DMRT1: variants seen among roughly 807,000 people sequenced by gnomAD.
The protein encoded by DMRT1 is doublesex and mab-3 related transcription factor 1.
DMRT1 carries 7 observed loss-of-function variants against 32.3 expected under a neutral mutation model. That is an observed-to-expected ratio of 0.22 (90% CI 0.12 to 0.41). The LOEUF (loss-of-function observed/expected upper bound fraction) is 0.41. Among genes scored for constraint, DMRT1 ranks in the 10% least tolerant of loss-of-function variants. The pLI, the probability that DMRT1 is intolerant of heterozygous loss-of-function variation, is 1.00. For missense variants in DMRT1, 625 were observed against 500.5 expected, an observed-to-expected ratio of 1.25 and a Z score of -2.37; for synonymous variants, 278 against 206.1, an observed-to-expected ratio of 1.35 and a Z score of -2.99.
At chr9:926,221 AC>A (rs1402565820) in intron 4 of DMRT1, among the ~76,000 whole-genome samples, 1 of 152,180 alleles carries the variant, frequency 6.6e-6, no homozygotes, top group Non-Finnish European at 1.5e-5. Flanking sequence ...ACTTTAAGAT[AC>A]CTTTATGAGC....
intron 2 of DMRT1, among the ~76,000 whole-genome samples, chr9:892,760 G>A (rs1212608834): frequency 6.6e-6 from 1 of 152,088 alleles, no homozygotes; most frequent in Non-Finnish European, 1.5e-5. Context: ...CAGGAGAGCT[G>A]GACTGAGGCC....
chr9:863,319 TAAAA>T (rs34511298), intron 2 of DMRT1, among the ~76,000 whole-genome samples: 31 of 135,118 alleles, frequency 2.3e-4, no homozygotes, highest in Non-Finnish European at 2.7e-4. Flanking sequence ...CCACGTCTCT[TAAAA>T]AAAAAAAAAA....
chr9:846,350 C>A (rs16924783), intron 1 of DMRT1, among the ~76,000 whole-genome samples: 13,976 of 152,108 alleles, frequency 0.092, 867 homozygotes, highest in East Asian at 0.17. Context: ...ATTTGTTAAA[C>A]AGTAAGTAAT....
intron 2 of DMRT1, among the ~76,000 whole-genome samples, chr9:872,531 A>G (rs1231252501): frequency 2.0e-5 from 3 of 152,146 alleles, no homozygotes; most frequent in Admixed American, 6.5e-5. Flanking sequence ...TTCTATCTGT[A>G]TAGGTTTGCC....
intron 2 of DMRT1, among the ~76,000 whole-genome samples, chr9:876,546 A>G (rs989854066): frequency 6.9e-6 from 1 of 145,914 alleles, no homozygotes; most frequent in African/African-American, 2.6e-5. Context: ...TTTTTAATCT[A>G]TTGAGACAGA....
chr9:929,571 AG>A (rs913623405), intron 4 of DMRT1, among the ~76,000 whole-genome samples: 1 of 152,138 alleles, frequency 6.6e-6, no homozygotes, highest in African/African-American at 2.4e-5. Flanking sequence ...ACATAGGTCC[AG>A]AAAGGTCAAA....
rs1838927059 is a variant in DMRT1 at position 846,863 on chromosome 9, C to G, written c.355-97C>G. On this transcript the variant is annotated intron_variant, in intron 1 of 4. Coordinates refer to ENST00000382276, the MANE Select transcript of DMRT1 (RefSeq NM_021951.3). ...AGATTTTCAGACCTCACCTCCAGAGCTAGTGAATCATGGTGTCTGGGATGG... is the reference window on the plus strand; with the variant it reads ...AGATTTTCAGACCTCACCTCCAGAGGTAGTGAATCATGGTGTCTGGGATGG... The G allele has an allele frequency of 2.8e-6, 4 of 1,423,694 alleles. 1 individual carries two copies. The South Asian group carries it at 4.6e-5, about 16-fold the overall frequency. 88.2% of individuals were successfully genotyped at this position (1,423,694 alleles called of 1,614,324 possible). A position where few individuals can be genotyped will look rare whatever the true frequency, so the allele number is the denominator to read the frequency against.
intron 2 of DMRT1, among the ~76,000 whole-genome samples, chr9:864,644 G>A (rs879268795): frequency 2.6e-5 from 4 of 151,774 alleles, no homozygotes; most frequent in Non-Finnish European, 4.4e-5. Flanking sequence ...GACTACAGGC[G>A]CCCGCCACCA....
intron 3 of DMRT1, among the ~76,000 whole-genome samples, chr9:898,092 G>C (rs1448390758): frequency 6.6e-6 from 1 of 152,040 alleles, no homozygotes; most frequent in East Asian, 1.9e-4. Flanking sequence ...TTTTTAACCA[G>C]AGTCGTTTTT....
At position 881,281 on chromosome 9, in the gene DMRT1, G is replaced by A. The variant is rs143362089; in HGVS notation, c.539-12631G>A. On this transcript the variant is annotated intron_variant, in intron 2 of 4. Coordinates refer to ENST00000382276, the MANE Select transcript of DMRT1 (RefSeq NM_021951.3). ...GACAAATGCCTGATTGAAAATTGGC[G>A]ATAATAAATTGAACTAGGTATAATC... 3.6e-3 allele frequency among the ~76,000 whole-genome samples: 547 copies of A among 152,294 alleles called. 4 individuals are homozygous for A. The highest frequency in any genetic ancestry group is 0.013 in the African/African-American group (536 of 41,558).
chr9:951,335 C>T (rs1436720945), intron 4 of DMRT1, among the ~76,000 whole-genome samples: 2 of 152,170 alleles, frequency 1.3e-5, no homozygotes, highest in Non-Finnish European at 2.9e-5. Flanking sequence ...CTTTGAAAGG[C>T]TAAGCCTCTG....
At chr9:879,628 T>C (rs922291775) in intron 2 of DMRT1, among the ~76,000 whole-genome samples, 13 of 152,220 alleles carry the variant, frequency 8.5e-5, no homozygotes, top group African/African-American at 3.1e-4. Flanking sequence ...AAGTGGTAAT[T>C]GCTTAAAGAT....
At chr9:954,015 G>C (rs1819515208) in intron 4 of DMRT1, among the ~76,000 whole-genome samples, 1 of 152,100 alleles carries the variant, frequency 6.6e-6, no homozygotes, top group African/African-American at 2.4e-5. Flanking sequence ...AGAGGAGGTT[G>C]GCATTTGAGT....
At chr9:888,224 C>T (rs150594357) in intron 2 of DMRT1, among the ~76,000 whole-genome samples, 233 of 152,124 alleles carry the variant, frequency 1.5e-3, no homozygotes, top group African/African-American at 4.8e-3. Flanking sequence ...GGCAGCGATA[C>T]ACACACAGTA....
chr9:923,491 G>A (rs996190055), intron 4 of DMRT1, among the ~76,000 whole-genome samples: 2 of 152,208 alleles, frequency 1.3e-5, no homozygotes, highest in Admixed American at 6.5e-5. Context: ...AGGATGAAAT[G>A]GTGTCTGATG....
chr9:851,947 G>GTT (rs34497760), intron 2 of DMRT1, among the ~76,000 whole-genome samples: 2 of 138,118 alleles, frequency 1.4e-5, no homozygotes, highest in East Asian at 2.1e-4. Context: ...CTTTTTTTTT[G>GTT]TTTTTTTTTT....
At chr9:906,661 A>G (rs1247637475) in intron 3 of DMRT1, among the ~76,000 whole-genome samples, 2 of 152,180 alleles carry the variant, frequency 1.3e-5, no homozygotes, top group African/African-American at 2.4e-5. Context: ...AAAGTTCCTA[A>G]ATGTGCGGTT....
chr9:854,910 C>T (rs923885236), intron 2 of DMRT1, among the ~76,000 whole-genome samples: 9 of 149,898 alleles, frequency 6.0e-5, no homozygotes, highest in Non-Finnish European at 3.0e-5. Flanking sequence ...GGACTACAGG[C>T]GCCCGCCGCC....
At chr9:876,266 G>T (rs564493108) in intron 2 of DMRT1, among the ~76,000 whole-genome samples, 7 of 152,278 alleles carry the variant, frequency 4.6e-5, no homozygotes, top group African/African-American at 1.7e-4. Context: ...AGAGGGAGCT[G>T]CTTCCAGGAT....
Sources: allele counts gnomAD v4.1 joint callset (sites outside exome capture counted in the v4.1 genomes callset), GRCh38; gene constraint gnomAD v4.1.1; transcripts MANE v1.5; gene names NCBI Gene and HGNC (gene_info 2026-07-23, HGNC 2026-07-21).